VGLL4: variants seen among roughly 807,000 people sequenced by gnomAD.
VGLL4 encodes transcription cofactor vestigial-like protein 4.
Under a neutral mutation model 21.0 loss-of-function variants are expected in VGLL4, and 7 were observed. The observed-to-expected ratio is 0.33, with a 90% confidence interval of 0.19 to 0.63. The LOEUF (loss-of-function observed/expected upper bound fraction) is 0.63. Among genes scored for constraint, VGLL4 ranks in the 20% least tolerant of loss-of-function variants. The probability of loss-of-function intolerance (pLI) is 0.78; values close to 1 mark genes in which losing one functional copy is unlikely to be tolerated. For synonymous variants in VGLL4, 222 were observed against 173.2 expected (o/e 1.28, Z -2.21); for missense variants, 394 against 425.7 (o/e 0.93, Z 0.66).
intron 1 of VGLL4, among the ~76,000 whole-genome samples, chr3:11,642,380 C>A: frequency 6.6e-6 from 1 of 152,016 alleles, no homozygotes; most frequent in Non-Finnish European, 1.5e-5. Flanking sequence ...GGAAACAGGC[C>A]TGAAGTTTTT....
intron 1 of VGLL4, among the ~76,000 whole-genome samples, chr3:11,715,487 C>A (rs2076907768): frequency 6.6e-6 from 1 of 152,052 alleles, no homozygotes; most frequent in African/African-American, 2.4e-5. Flanking sequence ...GTGCCCACCA[C>A]CATGCCCAGC....
intron 1 of VGLL4, among the ~76,000 whole-genome samples, chr3:11,613,459 G>A (rs560513041): frequency 5.9e-5 from 9 of 152,122 alleles, no homozygotes; most frequent in South Asian, 4.1e-4. Flanking sequence ...GTAACACTCC[G>A]AGCCTCTAGA....
intron 1 of VGLL4, among the ~76,000 whole-genome samples, chr3:11,716,770 G>A (rs751340798): frequency 6.6e-6 from 1 of 152,024 alleles, no homozygotes; most frequent in Non-Finnish European, 1.5e-5. Flanking sequence ...TCAAGATTTT[G>A]CAATCTAGTT....
At chr3:11,636,029 C>T (rs1235513695) in intron 1 of VGLL4, among the ~76,000 whole-genome samples, 5 of 151,952 alleles carry the variant, frequency 3.3e-5, no homozygotes, top group Non-Finnish European at 7.4e-5. Flanking sequence ...AAAGGACTTG[C>T]GTAGTTAAGA....
intron 2 of VGLL4, among the ~76,000 whole-genome samples, chr3:11,665,164 A>G (rs1256985932): frequency 8.6e-6 from 1 of 116,224 alleles, no homozygotes; most frequent in Non-Finnish European, 1.6e-5. Flanking sequence ...CCCAGGCTGC[A>G]GTGCAGTGGC....
Position 11,568,628 on chromosome 3 carries a change from C to T in VGLL4, c.273-3609G>A. On this transcript the variant is annotated intron_variant, in intron 2 of 4. Coordinates refer to ENST00000430365, the MANE Select transcript of VGLL4 (RefSeq NM_001128219.3). The surrounding 1 kb of genome is among the most constrained non-coding windows in gnomAD (Gnocchi z 5.9). ...ACATTTCCAGCTCATTTTCCTGGTT[C>T]CCGGAGCTTCAAGACAGACATTGTT... 1 of 1,569,582 alleles carries T rather than the reference C, an allele frequency of 6.4e-7. No individual in the cohort carries two copies. The highest frequency in any genetic ancestry group is 8.7e-7 in the Non-Finnish European group (1 of 1,155,492).
Position 11,569,699 on chromosome 3 carries a change from G to A in VGLL4, c.273-4680C>T, listed in dbSNP as rs555115516. On this transcript the variant is annotated intron_variant, in intron 2 of 4. Transcript: ENST00000430365. ...CTGAGAACTGGCAGGACAGCCAGTCGTTCACACAGTCTTAACACATCATAA... is the reference window on the plus strand; with the variant it reads ...CTGAGAACTGGCAGGACAGCCAGTCATTCACACAGTCTTAACACATCATAA... 1.1e-4 allele frequency among the ~76,000 whole-genome samples: 16 copies of A among 152,300 alleles called. No individual in the cohort carries two copies. In the East Asian group the frequency reaches 2.3e-3, roughly 22 times the overall value.
chr3:11,687,169 C>A (rs980651721), intron 2 of VGLL4, among the ~76,000 whole-genome samples: 11 of 152,268 alleles, frequency 7.2e-5, no homozygotes, highest in African/African-American at 2.6e-4. Flanking sequence ...TCCCTCCCCA[C>A]CTCTTATCTT....
chr3:11,693,687 C>A (rs1052179547), intron 2 of VGLL4, among the ~76,000 whole-genome samples: 7 of 152,132 alleles, frequency 4.6e-5, no homozygotes, highest in African/African-American at 7.2e-5. Flanking sequence ...GCAGCGTGCA[C>A]CTGAGCCATC....
At chr3:11,594,956 G>A (rs1023601077) in intron 2 of VGLL4, among the ~76,000 whole-genome samples, 2 of 152,224 alleles carry the variant, frequency 1.3e-5, no homozygotes, top group Admixed American at 6.5e-5. Context: ...GAGATCGGGA[G>A]TTCAAGACCA....
At chr3:11,696,463 T>C (rs1338651641) in intron 2 of VGLL4, among the ~76,000 whole-genome samples, 1 of 152,332 alleles carries the variant, frequency 6.6e-6, no homozygotes, top group Admixed American at 6.5e-5. Flanking sequence ...CTCCGGCATG[T>C]CTGAATATTA....
chr3:11,626,258 C>T (rs1247987151), intron 1 of VGLL4: 22 of 423,816 alleles, frequency 5.2e-5, no homozygotes, highest in East Asian at 5.0e-4. Context: ...GAATCAAATA[C>T]GGAAAGGAAA....
intron 2 of VGLL4, among the ~76,000 whole-genome samples, chr3:11,683,599 G>A (rs1026321955): frequency 2.6e-5 from 4 of 152,100 alleles, no homozygotes; most frequent in Non-Finnish European, 4.4e-5. Context: ...AAAAGTTCGA[G>A]ACCAGCCTAG....
chr3:11,695,873 C>T (rs962794026), intron 2 of VGLL4, among the ~76,000 whole-genome samples: 1 of 152,048 alleles, frequency 6.6e-6, no homozygotes, highest in African/African-American at 2.4e-5. Context: ...CCAAACTATC[C>T]GAAATGATCA....
At chr3:11,591,692 A>G (rs764953626) in intron 2 of VGLL4, among the ~76,000 whole-genome samples, 22 of 152,346 alleles carry the variant, frequency 1.4e-4, no homozygotes, top group South Asian at 2.1e-4. Flanking sequence ...TAAAGGTACC[A>G]CACTCCATTA....
chr3:11,647,614 G>A (rs1260724723), upstream of VGLL4, among the ~76,000 whole-genome samples: 1 of 152,266 alleles, frequency 6.6e-6, no homozygotes, highest in Non-Finnish European at 1.5e-5. Context: ...ACTCAACACT[G>A]TTCAGATTTT....
At chr3:11,574,118 G>A (rs182563922) in intron 2 of VGLL4, among the ~76,000 whole-genome samples, 8 of 152,254 alleles carry the variant, frequency 5.3e-5, no homozygotes, top group Admixed American at 1.3e-4. Context: ...CACCAGGAAC[G>A]GTGAGACAAT....
At chr3:11,671,317 G>A in intron 2 of VGLL4, 2 of 1,501,882 alleles carry the variant, frequency 1.3e-6, no homozygotes, top group South Asian at 1.1e-5. Context: ...CAGGGATTTT[G>A]TCAAAATGCG....
intron 2 of VGLL4, among the ~76,000 whole-genome samples, chr3:11,567,098 G>A (rs577252179): frequency 2.6e-5 from 4 of 152,192 alleles, no homozygotes; most frequent in South Asian, 2.1e-4. Context: ...GTGCAGCCTC[G>A]GCTGTGATGT....
Sources: allele counts gnomAD v4.1 joint callset (sites outside exome capture counted in the v4.1 genomes callset), GRCh38; gene constraint gnomAD v4.1.1; non-coding constraint Gnocchi (gnomAD v3.1); transcripts MANE v1.5; gene names NCBI Gene and HGNC (gene_info 2026-07-23, HGNC 2026-07-21).